The following LPP variants were observed in gnomAD, a reference collection of about 807,000 sequenced individuals.
The protein encoded by LPP is lipoma-preferred partner.
Under a neutral mutation model 60.4 loss-of-function variants are expected in LPP, and 38 were observed. That is an observed-to-expected ratio of 0.63 (90% CI 0.49 to 0.83). LPP has a LOEUF of 0.83. Among genes scored for constraint, LPP ranks in the 40% least tolerant of loss-of-function variants. LPP has a pLI of 0.00. For synonymous variants in LPP, 328 were observed against 290.8 expected (o/e 1.13, Z -1.30); for missense variants, 902 against 783.6 (o/e 1.15, Z -1.80).
At chr3:188,303,461 C>T (rs976572851) in intron 2 of LPP, among the ~76,000 whole-genome samples, 2 of 152,216 alleles carry the variant, frequency 1.3e-5, no homozygotes, top group African/African-American at 4.8e-5. Flanking sequence ...GAATGAATGA[C>T]TCAGACTCCT....
chr3:188,346,621 G>A (rs1578231114), intron 3 of LPP, among the ~76,000 whole-genome samples: 1 of 152,110 alleles, frequency 6.6e-6, no homozygotes, highest in Non-Finnish European at 1.5e-5. Context: ...GCATACACAT[G>A]ATCCTGTGTT....
chr3:188,462,691 T>C (rs2149450075), intron 4 of LPP, among the ~76,000 whole-genome samples: 1 of 149,852 alleles, frequency 6.7e-6, no homozygotes, highest in South Asian at 2.1e-4. Context: ...ATATAAAAGT[T>C]TGTTTCAATG....
intron 2 of LPP, among the ~76,000 whole-genome samples, 153 bp downstream of exon 2, chr3:188,225,680 C>T (rs1050218634): frequency 2.0e-5 from 3 of 152,212 alleles, no homozygotes; most frequent in Admixed American, 2.0e-4. Flanking sequence ...GCCCTTCCTT[C>T]TTTCTTGAGT....
intron 3 of LPP, among the ~76,000 whole-genome samples, chr3:188,372,490 G>A (rs931932536): frequency 6.6e-6 from 1 of 151,998 alleles, no homozygotes; most frequent in African/African-American, 2.4e-5. Flanking sequence ...ATCTGGGAGT[G>A]TCTTGTTGTA....
intron 4 of LPP, among the ~76,000 whole-genome samples, chr3:188,445,066 G>C (rs1267655573): frequency 6.6e-6 from 1 of 152,194 alleles, no homozygotes; most frequent in African/African-American, 2.4e-5. Context: ...AACCATTGTA[G>C]AAGACAGTCT....
At chr3:188,580,464 A>T (rs1022786498) in intron 6 of LPP, among the ~76,000 whole-genome samples, 2 of 152,066 alleles carry the variant, frequency 1.3e-5, no homozygotes, top group African/African-American at 4.8e-5. Flanking sequence ...CCTTCTCCTT[A>T]TGAGATGGCT....
intron 6 of LPP, among the ~76,000 whole-genome samples, chr3:188,586,732 G>T (rs200176714): frequency 1.6e-4 from 23 of 144,430 alleles, no homozygotes; most frequent in African/African-American, 3.3e-4. Flanking sequence ...CTTAAACATT[G>T]TTTTTTTTTT....
At chr3:188,606,676 A>G (rs1448934468) in intron 6 of LPP, among the ~76,000 whole-genome samples, 1 of 152,106 alleles carries the variant, frequency 6.6e-6, no homozygotes, top group African/African-American at 2.4e-5. Context: ...AGACATTCCT[A>G]AAAAATACTC....
chr3:188,810,639 G>A (rs1025093689), intron 9 of LPP, among the ~76,000 whole-genome samples: 3 of 152,064 alleles, frequency 2.0e-5, no homozygotes, highest in Non-Finnish European at 4.4e-5. Flanking sequence ...TATGTATAGG[G>A]GTTAGGTTGT....
At chr3:188,632,977 G>A (rs1033219725) in intron 7 of LPP, among the ~76,000 whole-genome samples, 2 of 152,256 alleles carry the variant, frequency 1.3e-5, no homozygotes, top group South Asian at 4.1e-4. Flanking sequence ...GACCCAGAGG[G>A]AGAAAAGTCT....
intron 9 of LPP, among the ~76,000 whole-genome samples, chr3:188,795,888 G>C (rs1293174528): frequency 6.6e-6 from 1 of 152,064 alleles, no homozygotes; most frequent in African/African-American, 2.4e-5. Context: ...CTAACATATA[G>C]ATTCGATTTG....
intron 1 of LPP, among the ~76,000 whole-genome samples, chr3:188,163,957 A>AG (rs1719163047): frequency 6.6e-6 from 1 of 151,842 alleles, no homozygotes; most frequent in African/African-American, 2.4e-5. Flanking sequence ...TCTCCAAAAA[A>AG]AAAAAAAAAA....
chr3:188,819,663 G>T (rs150055295), intron 9 of LPP, among the ~76,000 whole-genome samples: 7 of 152,082 alleles, frequency 4.6e-5, no homozygotes, highest in Non-Finnish European at 1.0e-4. Context: ...GTGTTCGGTG[G>T]GAATGAGGAA....
At chr3:188,531,877 C>T (rs1822274128) in intron 6 of LPP, among the ~76,000 whole-genome samples, 1 of 152,132 alleles carries the variant, frequency 6.6e-6, no homozygotes, top group Admixed American at 6.5e-5. Context: ...AATTTGTAGT[C>T]AAATCAGACA....
intron 7 of LPP, among the ~76,000 whole-genome samples, chr3:188,675,194 G>T (rs1193281235): frequency 3.3e-5 from 5 of 152,184 alleles, no homozygotes; most frequent in Admixed American, 3.3e-4. Context: ...CAGACTTGTG[G>T]TACTGATTAG....
chr3:188,875,107 G>A lies in LPP; in HGVS notation c.*628G>A, dbSNP rs1467901192. On this transcript the variant is annotated 3_prime_UTR_variant, in exon 12 of 12. Coordinates refer to ENST00000617246, the MANE Select transcript of LPP (RefSeq NM_001375462.1). ...ACCATCAGAATTCAGAATCTATAGT[G>A]ACCAGTGATCAAGGCTAATTGGAAA... The A allele has an allele frequency of 4.6e-6, 1 of 218,626 alleles. No individual in the cohort carries two copies. Among genetic ancestry groups the A allele is most frequent in the Non-Finnish European group, 9.2e-6 (1 of 108,994 alleles). 13.5% of individuals were successfully genotyped at this position (218,626 alleles called of 1,614,324 possible).
At chr3:188,427,674 G>T (rs1789765076) in intron 4 of LPP, among the ~76,000 whole-genome samples, 1 of 152,148 alleles carries the variant, frequency 6.6e-6, no homozygotes, top group Admixed American at 6.5e-5. Flanking sequence ...GGTGGGCTTT[G>T]TCCTGTTCTA....
At chr3:188,262,884 G>T (rs1015878461) in intron 2 of LPP, among the ~76,000 whole-genome samples, 1 of 151,730 alleles carries the variant, frequency 6.6e-6, no homozygotes, top group Non-Finnish European at 1.5e-5. Context: ...CTGAATTTTC[G>T]TTCAGTGCTT....
rs950246656 is a variant in LPP, at chr3:188,568,491, A to G, written c.430-40670A>G. On this transcript the variant is annotated intron_variant, in intron 6 of 11. Transcript: ENST00000617246. ...TGTGCTAGGGTTATGGAGATTGACA[A>G]TAGTTATACAAAACTGAGCCTGTCA... 2.0e-5 allele frequency: 3 copies of G among 152,070 alleles called. No individual in the cohort carries two copies. The East Asian group carries it at 5.8e-4, about 30-fold the overall frequency. 9.4% of individuals were successfully genotyped at this position (152,070 alleles called of 1,614,324 possible). A position where few individuals can be genotyped will look rare whatever the true frequency, so the allele number is the denominator to read the frequency against.
Sources: gnomAD v4.1 joint callset for allele counts (sites outside exome capture counted in the v4.1 genomes callset) on GRCh38, gnomAD v4.1.1 for gene constraint, MANE v1.5 for transcripts, NCBI Gene and HGNC (gene_info 2026-07-23, HGNC 2026-07-21) for gene names.